Variants in OR51L1 observed in about 807,000 individuals in gnomAD.
The protein encoded by OR51L1 is olfactory receptor 51L1.
OR51L1 carries 1 observed loss-of-function variant against 1.4 expected under a neutral mutation model. The ratio of observed to expected loss-of-function variants is 0.72; its 90% CI spans 0.26 to 3.42. OR51L1 has a LOEUF of 3.42. Among genes scored for constraint, OR51L1 ranks in the 30% most tolerant of loss-of-function variants. The pLI is 0.20. For synonymous variants in OR51L1, 156 were observed against 144.2 expected (o/e 1.08, Z -0.59); for missense variants, 378 against 380.0 (o/e 0.99, Z 0.04).
rs149054697 is a variant in OR51L1 at position 4,999,702 on chromosome 11, C to G, written c.720C>G (p.Leu240=). The change falls in exon 3 of 3, where the codon CTC becomes CTG. Residue 240 remains leucine, a synonymous_variant. Transcript: ENST00000641819. ...CTCGTGAAGAGCAGCTAAAGGCACT[C>G]AACACATGTGTATCCCATATCTGTG... is the stretch of plus-strand genomic sequence containing the variant. ...IASREEQLKA[L]NTCVSHICVV... is the part of the protein sequence containing the mutation. The G allele has an allele frequency of 5.5e-4, 882 of 1,613,858 alleles. 5 individuals carry two copies. Among genetic ancestry groups the G allele is most frequent in the Middle Eastern group, 3.5e-3 (21 of 6,082 alleles).
chr11:4,999,835 C>G lies in OR51L1; in HGVS notation c.853C>G (p.Leu285Val). 4 of 1,614,076 alleles carry G rather than the reference C, an allele frequency of 2.5e-6. No homozygotes were observed. The highest frequency in any genetic ancestry group is 3.4e-6 in the Non-Finnish European group (4 of 1,179,992). Reference sequence around the variant, plus strand: ...CCTCATGGCAGACATCTACCTTCTTCTTCCCCCAGTCCTTAACCCTATTGT... The same window carrying G: ...CCTCATGGCAGACATCTACCTTCTTGTTCCCCCAGTCCTTAACCCTATTGT... ...HILMADIYLL[L>V]PPVLNPIVYS... Residue 285 changes from leucine (L) to valine (V), a missense_variant, in exon 3 of 3, where the codon CTT (leucine) becomes GTT (valine). Physicochemically the swap from Leu to Val is conservative, Grantham distance 32 (BLOSUM62 1). Transcript: ENST00000641819.
In OR51L1 at chr11:5,005,237, AAAGTC is replaced by A. The variant is rs2133666055; in HGVS notation, c.*5311_*5315del. The stretch of plus-strand genomic sequence containing the variant: ...ACAAGTTTATCTTCCCAGGTGCAGA[AAAGTC>A]AAGATTCATTTTCTTCACCTACCCA... On this transcript the variant is annotated 3_prime_UTR_variant, in exon 3 of 3. Transcript: ENST00000641819. 1 of 152,320 alleles carries A rather than the reference AAAGTC, an allele frequency of 6.6e-6. No individual in the cohort carries two copies. Among genetic ancestry groups the A allele is most frequent in the African/African-American group, 2.4e-5 (1 of 41,578 alleles). 9.4% of individuals were successfully genotyped at this position (152,320 alleles called of 1,614,324 possible).
In OR51L1 at chr11:5,002,697, C is replaced by T. The variant is rs1251416779; in HGVS notation, c.*2767C>T. 6.6e-6 allele frequency: 1 copy of T among 152,130 alleles called. No individual in the cohort carries two copies. The highest frequency in any genetic ancestry group is 1.5e-5 in the Non-Finnish European group (1 of 68,044). 9.4% of individuals were successfully genotyped at this position (152,130 alleles called of 1,614,324 possible). Reference sequence around the variant, plus strand: ...TGAATTTCACTGGGCAATTTTATATCCAGGACTCCCCGTGATGTTGGACAA... The same window carrying T: ...TGAATTTCACTGGGCAATTTTATATTCAGGACTCCCCGTGATGTTGGACAA... On this transcript the variant is annotated 3_prime_UTR_variant, in exon 3 of 3. Transcript: ENST00000641819.
At position 5,004,091 on chromosome 11, in the gene OR51L1, G is replaced by A. The variant is rs1847154866; in HGVS notation, c.*4161G>A. Reference sequence around the variant, plus strand: ...ACGCTGAGTAATACCCTAGAGCTAAGAGAGAATATTGAAAGAAAAAACAAA... The same window carrying A: ...ACGCTGAGTAATACCCTAGAGCTAAAAGAGAATATTGAAAGAAAAAACAAA... On this transcript the variant is annotated 3_prime_UTR_variant, in exon 3 of 3. Coordinates refer to ENST00000641819, the MANE Select transcript of OR51L1 (RefSeq NM_001004755.2). The A allele has an allele frequency of 6.6e-6, 1 of 152,110 alleles. No homozygotes were observed. The highest frequency in any genetic ancestry group is 6.5e-5 in the Admixed American group (1 of 15,274). The allele number at this position is 152,110 out of a possible 1,614,324, so 9.4% of individuals were successfully genotyped here. A position where few individuals can be genotyped will look rare whatever the true frequency, so the allele number is the denominator to read the frequency against.
In OR51L1 at chr11:4,994,931, A is replaced by G. The variant is rs1847054420; in HGVS notation, c.-666A>G. Reference sequence around the variant, plus strand: ...ATCAGTACAGGTTTGATTTTCAGGTAGAGATGGGAAGTTTTCTCAGGTGAG... The same window carrying G: ...ATCAGTACAGGTTTGATTTTCAGGTGGAGATGGGAAGTTTTCTCAGGTGAG... On this transcript the variant is annotated 5_prime_UTR_variant, in exon 1 of 3. Transcript: ENST00000641819. The G allele has an allele frequency of 6.6e-6, 1 of 152,180 alleles. No individual in the cohort carries two copies. 9.4% of individuals were successfully genotyped at this position (152,180 alleles called of 1,614,324 possible).
intron 1 of OR51L1, among the ~76,000 whole-genome samples, chr11:4,996,764 TCTTTC>T (rs1847076516): frequency 1.3e-5 from 2 of 149,804 alleles, no homozygotes; most frequent in South Asian, 4.2e-4. Flanking sequence ...TTTCTTTCTT[TCTTTC>T]ATTTCTCTCT....
rs1847161640 is a variant in OR51L1 at position 5,004,760 on chromosome 11, T to C, written c.*4830T>C. On this transcript the variant is annotated 3_prime_UTR_variant, in exon 3 of 3. Coordinates refer to ENST00000641819, the MANE Select transcript of OR51L1 (RefSeq NM_001004755.2). ...GGACAATAAATAAATAACTGACACA[T>C]TTGCTGATATTATCAATGATGTCCT... 1 of 152,112 alleles carries C rather than the reference T, an allele frequency of 6.6e-6. No individual in the cohort carries two copies. The highest frequency in any genetic ancestry group is 1.5e-5 in the Non-Finnish European group (1 of 68,014). The allele number at this position is 152,112 out of a possible 1,614,324, so 9.4% of individuals were successfully genotyped here.
Position 5,004,366 on chromosome 11 carries a change from C to T in OR51L1, c.*4436C>T, listed in dbSNP as rs1225473615. 4 of 152,102 alleles carry T rather than the reference C, an allele frequency of 2.6e-5. No individual in the cohort carries two copies. The highest frequency in any genetic ancestry group is 7.2e-5 in the African/African-American group (3 of 41,402). The allele number at this position is 152,102 out of a possible 1,614,324, so 9.4% of individuals were successfully genotyped here. ...GTTGGCATTGGCAAGCAAATGATAA[C>T]CCCCCTTTGAAGTACAGGTGGGCAG... On this transcript the variant is annotated 3_prime_UTR_variant, in exon 3 of 3. Coordinates refer to ENST00000641819, the MANE Select transcript of OR51L1 (RefSeq NM_001004755.2).
rs1392499433 is a variant in OR51L1, at chr11:5,001,808, A to C, written c.*1878A>C. 6.6e-6 allele frequency: 1 copy of C among 152,212 alleles called. No individual in the cohort carries two copies. Among genetic ancestry groups the C allele is most frequent in the Non-Finnish European group, 1.5e-5 (1 of 68,040 alleles). 9.4% of individuals were successfully genotyped at this position (152,212 alleles called of 1,614,324 possible). The stretch of plus-strand genomic sequence containing the variant: ...TCTTCCCCAACAATCATGAGTACTC[A>C]TTAAATAATTGAAATAACTATTATA... On this transcript the variant is annotated 3_prime_UTR_variant, in exon 3 of 3. Transcript: ENST00000641819.
rs1847103265 is a variant in OR51L1, at chr11:4,999,320, A to G, written c.338A>G (p.Glu113Gly). 1 of 1,614,110 alleles carries G rather than the reference A, an allele frequency of 6.2e-7. No homozygotes were observed. Among genetic ancestry groups the G allele is most frequent in the Non-Finnish European group, 8.5e-7 (1 of 1,180,016 alleles). Reference protein sequence around the residue: ...LFFIHTFTFLESSVLLAMAFD... With the variant: ...LFFIHTFTFLGSSVLLAMAFD... ...TTCATCCACACATTCACATTCCTGG[A>G]GTCCTCAGTGTTGCTGGCCATGGCC... Residue 113 changes from glutamate (E) to glycine (G), a missense_variant, in exon 3 of 3, where the codon GAG becomes GGG. By Grantham distance (98) the Glu-to-Gly change is moderately conservative. Coordinates refer to ENST00000641819, the MANE Select transcript of OR51L1 (RefSeq NM_001004755.2).
Position 4,995,071 on chromosome 11 carries a change from A to G in OR51L1, c.-526A>G, listed in dbSNP as rs1253723079. The G allele has an allele frequency of 6.6e-6, 1 of 152,150 alleles. No individual in the cohort carries two copies. Among genetic ancestry groups the G allele is most frequent in the Non-Finnish European group, 1.5e-5 (1 of 67,988 alleles). 9.4% of individuals were successfully genotyped at this position (152,150 alleles called of 1,614,324 possible). On this transcript the variant is annotated 5_prime_UTR_variant, in exon 1 of 3. Transcript: ENST00000641819. Reference sequence around the variant, plus strand: ...ATAGAGGATTACATGCTGAAAAGACACAAACTTAGATAAAAACAAAATATA... The same window carrying G: ...ATAGAGGATTACATGCTGAAAAGACGCAAACTTAGATAAAAACAAAATATA...
Position 4,995,039 on chromosome 11 carries a change from G to A in OR51L1, c.-558G>A, listed in dbSNP as rs11035046. ...AAAGAAACAGCCAATCAAAGGGACCGGAAAAAATAGAGGATTACATGCTGA... is the reference window on the plus strand; with the variant it reads ...AAAGAAACAGCCAATCAAAGGGACCAGAAAAAATAGAGGATTACATGCTGA... On this transcript the variant is annotated 5_prime_UTR_variant, in exon 1 of 3. Coordinates refer to ENST00000641819, the MANE Select transcript of OR51L1 (RefSeq NM_001004755.2). 0.33 allele frequency: 49,863 copies of A among 151,738 alleles called. 8,574 individuals are homozygous for A. Among genetic ancestry groups the A allele is most frequent in the Middle Eastern group, 0.37 (109 of 294 alleles). 9.4% of individuals were successfully genotyped at this position (151,738 alleles called of 1,614,324 possible).
In OR51L1 at chr11:4,999,710, G is replaced by A. The variant is rs1184633040; in HGVS notation, c.728G>A (p.Cys243Tyr). Residue 243 changes from cysteine to tyrosine, a missense_variant, in exon 3 of 3, where the codon TGT (cysteine) becomes TAT (tyrosine). Transcript: ENST00000641819. Reference protein sequence around the residue: ...REEQLKALNTCVSHICVVLIF... With the variant: ...REEQLKALNTYVSHICVVLIF... ...GAGCAGCTAAAGGCACTCAACACAT[G>A]TGTATCCCATATCTGTGTGGTGCTT... 16 of 1,613,798 alleles carry A rather than the reference G, an allele frequency of 9.9e-6. No individual in the cohort carries two copies. Among genetic ancestry groups the A allele is most frequent in the Non-Finnish European group, 1.2e-5 (14 of 1,179,980 alleles).
Position 4,999,222 on chromosome 11 carries a change from TC to T in OR51L1, c.243del (p.Thr82ProfsTer61). 1.2e-6 allele frequency: 2 copies of T among 1,614,190 alleles called. No homozygotes were observed. The highest frequency in any genetic ancestry group is 1.7e-6 in the Non-Finnish European group (2 of 1,180,028). On this transcript the variant is annotated frameshift_variant, in exon 3 of 3. Coordinates refer to ENST00000641819, the MANE Select transcript of OR51L1 (RefSeq NM_001004755.2). LOFTEE classifies it low-confidence loss of function (END_TRUNC). ...ACCTGGGGATGTCCCTGTCTACACT[TC>T]CCACCATGCTTGCTGTGTTATGGTT... ...NDLGMSLSTLPTMLAVLWLDA... is the reference protein window; with the variant it reads ...NDLGMSLSTLXTMLAVLWLDA...
Position 4,999,698 on chromosome 11 carries a change from C to T in OR51L1, c.716C>T (p.Ala239Val), listed in dbSNP as rs761129652. Reference sequence around the variant, plus strand: ...GCATCTCGTGAAGAGCAGCTAAAGGCACTCAACACATGTGTATCCCATATC... The same window carrying T: ...GCATCTCGTGAAGAGCAGCTAAAGGTACTCAACACATGTGTATCCCATATC... Reference protein sequence around the residue: ...DIASREEQLKALNTCVSHICV... With the variant: ...DIASREEQLKVLNTCVSHICV... Residue 239 changes from alanine to valine, a missense_variant, in exon 3 of 3, where the codon GCA becomes GTA. Physicochemically the swap from Ala to Val is moderately conservative, Grantham distance 64. Coordinates refer to ENST00000641819, the MANE Select transcript of OR51L1 (RefSeq NM_001004755.2). 10 of 1,613,906 alleles carry T rather than the reference C, an allele frequency of 6.2e-6. No homozygotes were observed. Among genetic ancestry groups the T allele is most frequent in the East Asian group, 4.5e-5 (2 of 44,880 alleles).
rs1305722644 is a variant in OR51L1 at position 5,002,210 on chromosome 11, T to C, written c.*2280T>C. ...TATAGGTTAATGAAATTGGTTATGATGGAAGTATTTAAACCACAGAAATTG... is the reference window on the plus strand; with the variant it reads ...TATAGGTTAATGAAATTGGTTATGACGGAAGTATTTAAACCACAGAAATTG... On this transcript the variant is annotated 3_prime_UTR_variant, in exon 3 of 3. Coordinates refer to ENST00000641819, the MANE Select transcript of OR51L1 (RefSeq NM_001004755.2). 2 of 152,214 alleles carry C rather than the reference T, an allele frequency of 1.3e-5. No homozygotes were observed. Among genetic ancestry groups the C allele is most frequent in the Non-Finnish European group, 2.9e-5 (2 of 68,038 alleles). The allele number at this position is 152,214 out of a possible 1,614,324, so 9.4% of individuals were successfully genotyped here.
In OR51L1 at chr11:4,999,519, C is replaced by T. The variant is rs756732883; in HGVS notation, c.537C>T (p.Ala179=). The change falls in exon 3 of 3, where the codon GCC becomes GCT. Residue 179 remains alanine, a synonymous_variant. Transcript: ENST00000641819. ...GCCATGGCAATGCCCTCTCTCACGC[C>T]TTCTGTTTGCACCAGGATGTTCTAA... ...HYCHGNALSH[A]FCLHQDVLRL... The T allele has an allele frequency of 3.7e-6, 6 of 1,613,902 alleles. No homozygotes were observed. Among genetic ancestry groups the T allele is most frequent in the East Asian group, 4.5e-5 (2 of 44,868 alleles).
chr11:4,997,722 G>C (rs1168698581), intron 2 of OR51L1, 139 bp downstream of exon 2: 1 of 152,180 alleles, frequency 6.6e-6, no homozygotes, highest in Non-Finnish European at 1.5e-5. Context: ...GATACAGCAA[G>C]GGCAACACTG....
In OR51L1 at chr11:4,999,722, T is replaced by C. The variant is rs1847110650; in HGVS notation, c.740T>C (p.Ile247Thr). The change falls in exon 3 of 3, where the codon ATC becomes ACC. Residue 247 changes from isoleucine to threonine, a missense_variant. Coordinates refer to ENST00000641819, the MANE Select transcript of OR51L1 (RefSeq NM_001004755.2). The part of the protein sequence containing the change: ...LKALNTCVSH[I>T]CVVLIFFVPV... ...GCACTCAACACATGTGTATCCCATA[T>C]CTGTGTGGTGCTTATCTTCTTTGTG... 3.1e-6 allele frequency: 5 copies of C among 1,613,872 alleles called. No individual in the cohort carries two copies. In the Admixed American group the frequency reaches 8.3e-5, roughly 27 times the overall value.
Sources: allele counts gnomAD v4.1 joint callset (sites outside exome capture counted in the v4.1 genomes callset), GRCh38; gene constraint gnomAD v4.1.1; transcripts MANE v1.5; gene names NCBI Gene and HGNC (gene_info 2026-07-23, HGNC 2026-07-21).